Variants in SEZ6L2 observed in about 807,000 individuals in gnomAD.
The protein encoded by SEZ6L2 is seizure related 6 homolog like 2.
SEZ6L2 carries 44 observed loss-of-function variants against 97.0 expected under a neutral mutation model. The ratio of observed to expected loss-of-function variants is 0.45; its 90% CI spans 0.36 to 0.58. The LOEUF (loss-of-function observed/expected upper bound fraction) is 0.58, where lower values mean the gene tolerates loss of function less well. Among genes scored for constraint, SEZ6L2 ranks in the 20% least tolerant of loss-of-function variants. The probability of loss-of-function intolerance (pLI) is 0.00; values close to 1 mark genes in which losing one functional copy is unlikely to be tolerated. For missense variants in SEZ6L2, 1,086 were observed against 1,233.3 expected (o/e 0.88, Z 1.79); for synonymous variants, 543 against 546.1 (o/e 0.99, Z 0.08).
Position 29,872,178 on chromosome 16 carries a change from G to C in SEZ6L2, c.2742+9C>G. 1.9e-6 allele frequency: 3 copies of C among 1,583,784 alleles called. No homozygotes were observed. The highest frequency in any genetic ancestry group is 2.6e-6 in the Non-Finnish European group (3 of 1,164,638). ...GTGGTGGCTCTTCAGGGGCAGGCAA[G>C]GTGCTTACCCCAGCTTCATACAGCG... On this transcript the variant is annotated intron_variant, in intron 17 of 17. Coordinates refer to ENST00000617533, the MANE Select transcript of SEZ6L2 (RefSeq NM_001243332.2).
At chr16:29,897,227 G>A in intron 2 of SEZ6L2, 106 bp from the exon 3 acceptor site, 3 of 1,023,346 alleles carry the variant, frequency 2.9e-6, no homozygotes, top group Non-Finnish European at 2.8e-6. Context: ...TACCACAAAA[G>A]CCTCCCGCAC....
At position 29,899,200 on chromosome 16, in the gene SEZ6L2, G is replaced by A. The variant is rs1236329301; in HGVS notation, c.-181C>T. On this transcript the variant is annotated 5_prime_UTR_variant, in exon 1 of 18. Transcript: ENST00000617533. Reference sequence around the variant, plus strand: ...GGGATGGAGGGGCAGAATTGGGCTAGGGGTCGCCTGGAGCCCACCCCCCTT... The same window carrying A: ...GGGATGGAGGGGCAGAATTGGGCTAAGGGTCGCCTGGAGCCCACCCCCCTT... 1 of 581,768 alleles carries A rather than the reference G, an allele frequency of 1.7e-6. No individual in the cohort carries two copies. The highest frequency in any genetic ancestry group is 3.0e-6 in the Non-Finnish European group (1 of 333,312). 36.0% of individuals were successfully genotyped at this position (581,768 alleles called of 1,614,324 possible).
intron 7 of SEZ6L2, among the ~76,000 whole-genome samples, chr16:29,887,106 G>A (rs989896030): frequency 2.7e-5 from 4 of 150,866 alleles, no homozygotes; most frequent in Non-Finnish European, 4.4e-5. Flanking sequence ...ACTTGAACCC[G>A]GGAGGCAGAG....
At chr16:29,891,652 A>G (rs893867468) in intron 5 of SEZ6L2, among the ~76,000 whole-genome samples, 6 of 151,940 alleles carry the variant, frequency 3.9e-5, no homozygotes, top group Non-Finnish European at 7.4e-5. Flanking sequence ...AAAAAAAAAA[A>G]GGGCTAGCCT....
rs139403019 is a variant in SEZ6L2, at chr16:29,877,046, G to GTC, written c.1910-98_1910-97dup. On this transcript the variant is annotated intron_variant, in intron 11 of 17. Transcript: ENST00000617533. ...TGCTCTGTGCCCCCTCCCGGGATCTGTCTCTCTCTCTCTCTCTTAGAGACA... is the reference window on the plus strand; with the variant it reads ...TGCTCTGTGCCCCCTCCCGGGATCTGTCTCTCTCTCTCTCTCTCTTAGAGACA... The GTC allele has an allele frequency of 5.9e-4, 712 of 1,213,732 alleles. 2 individuals are homozygous for GTC. Among genetic ancestry groups the GTC allele is most frequent in the African/African-American group, 4.5e-3 (297 of 65,596 alleles). The allele number at this position is 1,213,732 out of a possible 1,614,324, so 75.2% of individuals were successfully genotyped here. A position where few individuals can be genotyped will look rare whatever the true frequency, so the allele number is the denominator to read the frequency against.
rs763216398 is a variant in SEZ6L2 at position 29,873,682 on chromosome 16, C to T, written c.2152G>A (p.Ala718Thr). 6.1e-5 allele frequency: 98 copies of T among 1,610,424 alleles called. No individual in the cohort carries two copies. Among genetic ancestry groups the T allele is most frequent in the Non-Finnish European group, 6.8e-5 (80 of 1,178,884 alleles). The change falls in exon 13 of 18, where the codon GCC becomes ACC. Residue 718 changes from alanine (A) to threonine (T), a missense_variant. Around this residue, in one of 2 missense-constraint regions of SEZ6L2, gnomAD observed 310 missense variants for 438.6 expected, o/e 0.71. Transcript: ENST00000617533. The surrounding 1 kb of genome is among the most constrained non-coding windows in gnomAD (Gnocchi z 4.3). ...CCAACGGGGAAGCCGGCGTCCGAGG[C>T]GGTGCGGTGCCCGTTGGCAATCTCG... ...PGEIANGHRT[A>T]SDAGFPVGSH... is the part of the protein sequence containing the mutation.
chr16:29,896,575 T>C (rs544308529), intron 3 of SEZ6L2, among the ~76,000 whole-genome samples: 1 of 152,206 alleles, frequency 6.6e-6, no homozygotes, highest in Non-Finnish European at 1.5e-5. Flanking sequence ...ACCATGTCCA[T>C]CACTATCTTT....
intron 7 of SEZ6L2, 96 bp from the exon 8 acceptor site, chr16:29,885,845 A>T: frequency 8.1e-7 from 1 of 1,239,628 alleles, no homozygotes; most frequent in Non-Finnish European, 1.1e-6. Context: ...AGCTGTTATC[A>T]TCACACATAA....
At chr16:29,891,926 C>T (rs1008693540) in intron 5 of SEZ6L2, among the ~76,000 whole-genome samples, 1 of 152,210 alleles carries the variant, frequency 6.6e-6, no homozygotes, top group African/African-American at 2.4e-5. Flanking sequence ...TAATCACCCA[C>T]CCCTCAGCCT....
In SEZ6L2 at chr16:29,885,712, C is replaced by T. The variant is rs775884420; in HGVS notation, c.1246G>A (p.Val416Met). 4 of 1,613,590 alleles carry T rather than the reference C, an allele frequency of 2.5e-6. No homozygotes were observed. Among genetic ancestry groups the T allele is most frequent in the Admixed American group, 3.3e-5 (2 of 59,964 alleles). ...VRSGGSPLSPVIYDSDMDDVP... is the reference protein window; with the variant it reads ...VRSGGSPLSPMIYDSDMDDVP... Reference sequence around the variant, plus strand: ...TCGTCCATGTCCGAATCATAGATCACGGGGGATAGGGGGCTGCCCCCTGAG... The same window carrying T: ...TCGTCCATGTCCGAATCATAGATCATGGGGGATAGGGGGCTGCCCCCTGAG... Residue 416 changes from valine (V) to methionine (M), a missense_variant, in exon 8 of 18, where the codon GTG becomes ATG. Around this residue, in one of 2 missense-constraint regions of SEZ6L2, gnomAD observed 776 missense variants for 794.7 expected, o/e 0.98. Coordinates refer to ENST00000617533, the MANE Select transcript of SEZ6L2 (RefSeq NM_001243332.2).
intron 5 of SEZ6L2, among the ~76,000 whole-genome samples, chr16:29,889,035 C>G (rs2068211017): frequency 6.6e-6 from 1 of 151,878 alleles, no homozygotes. Context: ...TGTGTGACTT[C>G]AGGCAAATCA....
intron 2 of SEZ6L2, among the ~76,000 whole-genome samples, chr16:29,897,438 C>T (rs1377261462): frequency 1.3e-5 from 2 of 151,952 alleles, no homozygotes; most frequent in African/African-American, 2.4e-5. Context: ...CTCCTCTCTC[C>T]TCTGTCTCAT....
rs755871409 is a variant in SEZ6L2, at chr16:29,879,886, G to A, written c.1551C>T (p.Asn517=). The change falls in exon 9 of 18, where the codon AAC becomes AAT. Residue 517 remains asparagine, a synonymous_variant. Coordinates refer to ENST00000617533, the MANE Select transcript of SEZ6L2 (RefSeq NM_001243332.2). ...CACCTTTGCAGGCCGGCTCTGTGTCGTTCCAGTGGGGTTCTGTGGGATCCA... is the reference window on the plus strand; with the variant it reads ...CACCTTTGCAGGCCGGCTCTGTGTCATTCCAGTGGGGTTCTGTGGGATCCA... ...ECVDPTEPHW[N]DTEPACKAMC... 26 of 1,609,854 alleles carry A rather than the reference G, an allele frequency of 1.6e-5. No homozygotes were observed. The East Asian group carries it at 2.5e-4, about 15-fold the overall frequency.
chr16:29,872,488 C>T lies in SEZ6L2; in HGVS notation c.2566G>A (p.Gly856Arg), dbSNP rs764832687. Reference protein sequence around the residue: ...TTDPSRQLEGGNLALAILLPL... With the variant: ...TTDPSRQLEGRNLALAILLPL... ...AGCAGGATGGCCAGGGCCAGGTTCC[C>T]CCCTTCCAGCTGCCGTGATGGATCT... is the stretch of plus-strand genomic sequence containing the variant. Residue 856 changes from glycine to arginine, a missense_variant, in exon 16 of 18, where the codon GGG (glycine) becomes AGG (arginine). By Grantham distance (125) the Gly-to-Arg change is moderately radical (BLOSUM62 -2). Coordinates refer to ENST00000617533, the MANE Select transcript of SEZ6L2 (RefSeq NM_001243332.2). The T allele has an allele frequency of 6.8e-6, 11 of 1,614,212 alleles. No homozygotes were observed. In the East Asian group the frequency reaches 1.8e-4, roughly 26 times the overall value.
At chr16:29,894,869 C>T (rs914790716) in intron 5 of SEZ6L2, among the ~76,000 whole-genome samples, 57 of 151,974 alleles carry the variant, frequency 3.8e-4, no homozygotes, top group Admixed American at 3.1e-3. Context: ...CCCTGTGCTT[C>T]GATGGTTCTT....
chr16:29,885,080 T>C (rs1488445934), intron 8 of SEZ6L2, among the ~76,000 whole-genome samples: 2 of 151,900 alleles, frequency 1.3e-5, no homozygotes, highest in Middle Eastern at 3.4e-3. Flanking sequence ...CGGTGGCGGG[T>C]GCCTGTAGCC....
At position 29,872,399 on chromosome 16, in the gene SEZ6L2, G is replaced by A. The variant is rs962970025; in HGVS notation, c.2645+10C>T. ...TGCCCTGGCCGGCAGTCCCCAAGCAGGCTACTTACTTGGTGTAGTAGATGT... is the reference window on the plus strand; with the variant it reads ...TGCCCTGGCCGGCAGTCCCCAAGCAAGCTACTTACTTGGTGTAGTAGATGT... On this transcript the variant is annotated intron_variant, in intron 16 of 17. Transcript: ENST00000617533. 5.6e-6 allele frequency: 9 copies of A among 1,611,506 alleles called. No individual in the cohort carries two copies. Among genetic ancestry groups the A allele is most frequent in the Middle Eastern group, 1.6e-4 (1 of 6,082 alleles).
Position 29,872,759 on chromosome 16 carries a change from G to C in SEZ6L2, c.2489-16C>G, listed in dbSNP as rs770337788. The C allele has an allele frequency of 1.9e-6, 3 of 1,609,274 alleles. No individual in the cohort carries two copies. The highest frequency in any genetic ancestry group is 3.3e-5 in the Admixed American group (2 of 59,884). Reference sequence around the variant, plus strand: ...TCATAGGCAACTGCAGGGAGAGGAGGGGGAGGGGATGGGGTCTGAGCCAGG... The same window carrying C: ...TCATAGGCAACTGCAGGGAGAGGAGCGGGAGGGGATGGGGTCTGAGCCAGG... On this transcript the variant is annotated splice_polypyrimidine_tract_variant and intron_variant, in intron 14 of 17. Coordinates refer to ENST00000617533, the MANE Select transcript of SEZ6L2 (RefSeq NM_001243332.2).
In SEZ6L2 at chr16:29,897,060, G is replaced by C; in HGVS notation, c.273C>G (p.Ser91=). The stretch of plus-strand genomic sequence containing the variant: ...TCCCCGGCTCAGTGGCCCGTGGCAG[G>C]GAGGGCACTGCGAGAGTCTGGCCGG... ...PPAGQTLAVP[S]LPRATEPGTG... Residue 91 remains serine, a synonymous_variant, in exon 3 of 18, where the codon TCC becomes TCG. Coordinates refer to ENST00000617533, the MANE Select transcript of SEZ6L2 (RefSeq NM_001243332.2). 1.9e-6 allele frequency: 3 copies of C among 1,581,938 alleles called. No individual in the cohort carries two copies. The highest frequency in any genetic ancestry group is 2.6e-6 in the Non-Finnish European group (3 of 1,171,746).
Sources: allele counts gnomAD v4.1 joint callset (sites outside exome capture counted in the v4.1 genomes callset), GRCh38; gene constraint gnomAD v4.1.1; regional missense constraint gnomAD v4.1.1; non-coding constraint Gnocchi (gnomAD v3.1); transcripts MANE v1.5; gene names NCBI Gene and HGNC (gene_info 2026-07-23, HGNC 2026-07-21).